Variants in HSD17B8 observed in about 807,000 individuals in gnomAD.
The protein encoded by HSD17B8 is (3R)-3-hydroxyacyl-CoA dehydrogenase.
Under a neutral mutation model 33.2 loss-of-function variants are expected in HSD17B8, and 23 were observed. The ratio of observed to expected loss-of-function variants is 0.69; its 90% confidence interval spans 0.50 to 0.98. The LOEUF (loss-of-function observed/expected upper bound fraction) is 0.98. Among genes scored for constraint, HSD17B8 ranks in the 50% least tolerant of loss-of-function variants. The pLI is 0.00. For synonymous variants in HSD17B8, 137 were observed against 138.6 expected, an observed-to-expected ratio of 0.99 and a Z score of 0.08; for missense variants, 345 against 347.5, an observed-to-expected ratio of 0.99 and a Z score of 0.06.
Position 33,205,832 on chromosome 6 carries a change from G to T in HSD17B8, c.571G>T (p.Gly191Trp), listed in dbSNP as rs1434152979. The change falls in exon 6 of 9, where the codon GGG becomes TGG. Residue 191 changes from glycine (G) to tryptophan (W), a missense_variant. Coordinates refer to ENST00000374662, the MANE Select transcript of HSD17B8 (RefSeq NM_014234.5). This position sits in a 1 kb window ranked among gnomAD's most constrained non-coding sequence, Gnocchi z 5.0. The part of the protein sequence containing the change: ...QTAARELGRH[G>W]IRCNSVLPGF... ...CAGCCACTCTCCTTCCCACAGACAT[G>T]GGATCCGCTGTAACTCTGTCCTCCC... 6.2e-7 allele frequency: 1 copy of T among 1,612,780 alleles called. No individual in the cohort carries two copies. The highest frequency in any genetic ancestry group is 1.3e-5 in the African/African-American group (1 of 74,878).
Position 33,206,542 on chromosome 6 carries a change from G to A in HSD17B8, c.769+93G>A. Reference sequence around the variant, plus strand: ...AGGGGAGTCTGGAGCCACTGGGAAGGGCAGAGGTTCCCAAGGCCAGGGACA... The same window carrying A: ...AGGGGAGTCTGGAGCCACTGGGAAGAGCAGAGGTTCCCAAGGCCAGGGACA... On this transcript the variant is annotated intron_variant, in intron 8 of 8. Coordinates refer to ENST00000374662, the MANE Select transcript of HSD17B8 (RefSeq NM_014234.5). The surrounding 1 kb of genome is among the most constrained non-coding windows in gnomAD (Gnocchi z 6.2). 1 of 1,558,560 alleles carries A rather than the reference G, an allele frequency of 6.4e-7. No individual in the cohort carries two copies. The highest frequency in any genetic ancestry group is 1.4e-5 in the African/African-American group (1 of 73,758).
In HSD17B8 at chr6:33,206,242, G is replaced by C; in HGVS notation, c.694+66G>C. ...GAATGAAGAGATCCCCAAAGTTTGGGGATTTTCTAGGGGACTGGTGGTTGG... is the reference window on the plus strand; with the variant it reads ...GAATGAAGAGATCCCCAAAGTTTGGCGATTTTCTAGGGGACTGGTGGTTGG... On this transcript the variant is annotated intron_variant, in intron 7 of 8. Transcript: ENST00000374662. The surrounding 1 kb of genome is among the most constrained non-coding windows in gnomAD (Gnocchi z 6.2). 2 of 1,578,696 alleles carry C rather than the reference G, an allele frequency of 1.3e-6. No homozygotes were observed. The highest frequency in any genetic ancestry group is 2.2e-5 in the South Asian group (2 of 90,174).
Position 33,205,701 on chromosome 6 carries a change from A to G in HSD17B8, c.542A>G (p.Gln181Arg). 6.2e-7 allele frequency: 1 copy of G among 1,613,118 alleles called. No homozygotes were observed. Among genetic ancestry groups the G allele is most frequent in the South Asian group, 1.1e-5 (1 of 91,084 alleles). Residue 181 changes from glutamine (Q) to arginine (R), a missense_variant, in exon 5 of 9, where the codon CAG (glutamine) becomes CGG (arginine). Coordinates refer to ENST00000374662, the MANE Select transcript of HSD17B8 (RefSeq NM_014234.5). This position sits in a 1 kb window ranked among gnomAD's most constrained non-coding sequence, Gnocchi z 5.0. ...AAGGCTGGAGTGATTGGGCTGACCCAGACCGCAGCCCGGGAGCTTGGACGG... is the reference window on the plus strand; with the variant it reads ...AAGGCTGGAGTGATTGGGCTGACCCGGACCGCAGCCCGGGAGCTTGGACGG... ...ASKAGVIGLT[Q>R]TAARELGRHG...
In HSD17B8 at chr6:33,205,604, C is replaced by T. The variant is rs1774977874; in HGVS notation, c.481-36C>T. ...TAGAGAGGAGAACCCCTCCTTGAGA[C>T]TCCTGACTCATTCCACATCTCTGAC... On this transcript the variant is annotated intron_variant, in intron 4 of 8. Transcript: ENST00000374662. This position sits in a 1 kb window ranked among gnomAD's most constrained non-coding sequence, Gnocchi z 5.0. 3 of 1,611,404 alleles carry T rather than the reference C, an allele frequency of 1.9e-6. No homozygotes were observed. The highest frequency in any genetic ancestry group is 2.5e-6 in the Non-Finnish European group (3 of 1,178,634).
rs773590006 is a variant in HSD17B8 at position 33,205,947 on chromosome 6, G to A, written c.651+35G>A. On this transcript the variant is annotated intron_variant, in intron 6 of 8. Transcript: ENST00000374662. The surrounding 1 kb of genome is among the most constrained non-coding windows in gnomAD (Gnocchi z 5.0). ...TGTGGGTGGAGGGCAGAATCATTCAGAGACTCAATCTCTCTGGGCTTCACA... is the reference window on the plus strand; with the variant it reads ...TGTGGGTGGAGGGCAGAATCATTCAAAGACTCAATCTCTCTGGGCTTCACA... 2.0e-6 allele frequency: 3 copies of A among 1,536,884 alleles called. No individual in the cohort carries two copies. Among genetic ancestry groups the A allele is most frequent in the Non-Finnish European group, 2.7e-6 (3 of 1,113,008 alleles).
At chr6:33,204,876 G>A in intron 1 of HSD17B8, 26 bp from the exon 2 acceptor site, 1 of 1,490,030 alleles carries the variant, frequency 6.7e-7, no homozygotes, top group Non-Finnish European at 9.0e-7. Context: ...CCCGTGCCCG[G>A]TCCGGCGTGT....
At position 33,205,272 on chromosome 6, in the gene HSD17B8, C is replaced by G. The variant is rs751543629; in HGVS notation, c.322C>G (p.Gln108Glu). The change falls in exon 3 of 9, where the codon CAG (glutamine) becomes GAG (glutamate). Residue 108 changes from glutamine to glutamate, a missense_variant. By Grantham distance (29) the Gln-to-Glu change is conservative. Coordinates refer to ENST00000374662, the MANE Select transcript of HSD17B8 (RefSeq NM_014234.5). The surrounding 1 kb of genome is among the most constrained non-coding windows in gnomAD (Gnocchi z 5.0). Reference sequence around the variant, plus strand: ...CGTTGTGTCCTGTGCGGGCATCACCCAGGATGAGTTTCTGCTGCACATGTC... The same window carrying G: ...CGTTGTGTCCTGTGCGGGCATCACCGAGGATGAGTTTCTGCTGCACATGTC... ...SVVVSCAGITQDEFLLHMSED... is the reference protein window; with the variant it reads ...SVVVSCAGITEDEFLLHMSED... 1.9e-6 allele frequency: 3 copies of G among 1,613,296 alleles called. No homozygotes were observed. Among genetic ancestry groups the G allele is most frequent in the Non-Finnish European group, 2.5e-6 (3 of 1,180,030 alleles).
Position 33,205,460 on chromosome 6 carries a change from TC to T in HSD17B8, c.402del (p.Thr135LeufsTer24), listed in dbSNP as rs776253757. ...IAVNLKGTFL[V>X]TQAAAQALVS... ...CTTTCCCGCCAGGGCACCTTCCTAG[TC>T]ACTCAGGCTGCAGCACAAGCCCTGG... On this transcript the variant is annotated frameshift_variant, in exon 4 of 9. Coordinates refer to ENST00000374662, the MANE Select transcript of HSD17B8 (RefSeq NM_014234.5). LOFTEE classifies it high-confidence loss of function. This position sits in a 1 kb window ranked among gnomAD's most constrained non-coding sequence, Gnocchi z 5.0. 13 of 1,613,158 alleles carry T rather than the reference TC, an allele frequency of 8.1e-6. No homozygotes were observed. The highest frequency in any genetic ancestry group is 5.9e-6 in the Non-Finnish European group (7 of 1,180,016).
rs759417817 is a variant in HSD17B8, at chr6:33,206,695, T to A, written c.*41T>A. 1.2e-6 allele frequency: 2 copies of A among 1,606,666 alleles called. No individual in the cohort carries two copies. The highest frequency in any genetic ancestry group is 1.7e-6 in the Non-Finnish European group (2 of 1,173,350). ...TGGACTCTGCTCACCCCCCCACCAC[T>A]CTGCCTGGCCTCCTGCTGATGAGGA... On this transcript the variant is annotated 3_prime_UTR_variant, in exon 9 of 9. Transcript: ENST00000374662. The surrounding 1 kb of genome is among the most constrained non-coding windows in gnomAD (Gnocchi z 6.2).
chr6:33,205,159 T>C lies in HSD17B8; in HGVS notation c.270+40T>C, dbSNP rs1736340383. ...ACTTTCCCCCTCTAAAGCTCTGATATTGCCTCCACTGCCCCGGCTTTTTGT... is the reference window on the plus strand; with the variant it reads ...ACTTTCCCCCTCTAAAGCTCTGATACTGCCTCCACTGCCCCGGCTTTTTGT... On this transcript the variant is annotated intron_variant, in intron 2 of 8. Transcript: ENST00000374662. The surrounding 1 kb of genome is among the most constrained non-coding windows in gnomAD (Gnocchi z 5.0). 4 of 1,602,750 alleles carry C rather than the reference T, an allele frequency of 2.5e-6. No homozygotes were observed. The highest frequency in any genetic ancestry group is 2.2e-5 in the South Asian group (2 of 89,850).
Position 33,205,894 on chromosome 6 carries a change from A to G in HSD17B8, c.633A>G (p.Pro211=). ...FIATPMTQKV[P]QKVVDKITEM... ...CAACACCCATGACACAGAAAGTGCC[A>G]CAGAAAGTGGTGGACAAGGTAGGAG... is the stretch of plus-strand genomic sequence containing the variant. The change falls in exon 6 of 9, where the codon CCA becomes CCG. Residue 211 remains proline (P), a synonymous_variant. Coordinates refer to ENST00000374662, the MANE Select transcript of HSD17B8 (RefSeq NM_014234.5). This position sits in a 1 kb window ranked among gnomAD's most constrained non-coding sequence, Gnocchi z 5.0. 6.2e-7 allele frequency: 1 copy of G among 1,612,922 alleles called. No individual in the cohort carries two copies. The highest frequency in any genetic ancestry group is 8.5e-7 in the Non-Finnish European group (1 of 1,179,902).
rs766344422 is a variant in HSD17B8, at chr6:33,204,976, C to T, written c.127C>T (p.Leu43=). Residue 43 remains leucine (L), a synonymous_variant, in exon 2 of 9, where the codon CTG becomes TTG. Transcript: ENST00000374662. ...GGGGGCCACCGTAGCTGCCTGCGACCTGGACCGGGCAGCGGCACAGGAGAC... is the reference window on the plus strand; with the variant it reads ...GGGGGCCACCGTAGCTGCCTGCGACTTGGACCGGGCAGCGGCACAGGAGAC... The part of the protein sequence containing the change: ...GEGATVAACD[L]DRAAAQETVR... 197 of 1,478,098 alleles carry T rather than the reference C, an allele frequency of 1.3e-4. No homozygotes were observed. Among genetic ancestry groups the T allele is most frequent in the Non-Finnish European group, 1.6e-4 (184 of 1,119,994 alleles). The allele number at this position is 1,478,098 out of a possible 1,614,324, so 91.6% of individuals were successfully genotyped here.
chr6:33,206,678 GC>G lies in HSD17B8; in HGVS notation c.*25del, dbSNP rs778113209. The G allele has an allele frequency of 1.1e-5, 17 of 1,612,658 alleles. No individual in the cohort carries two copies. The highest frequency in any genetic ancestry group is 1.4e-5 in the Non-Finnish European group (16 of 1,178,854). The stretch of plus-strand genomic sequence containing the variant: ...AACTGCCTCAAGGACCCTGGACTCT[GC>G]TCACCCCCCCACCACTCTGCCTGGC... On this transcript the variant is annotated 3_prime_UTR_variant, in exon 9 of 9. Coordinates refer to ENST00000374662, the MANE Select transcript of HSD17B8 (RefSeq NM_014234.5). This position sits in a 1 kb window ranked among gnomAD's most constrained non-coding sequence, Gnocchi z 6.2.
At position 33,205,873 on chromosome 6, in the gene HSD17B8, A is replaced by T. The variant is rs1249092652; in HGVS notation, c.612A>T (p.Thr204=). 1.9e-6 allele frequency: 3 copies of T among 1,612,990 alleles called. No homozygotes were observed. Among genetic ancestry groups the T allele is most frequent in the Non-Finnish European group, 2.5e-6 (3 of 1,179,994 alleles). ...CNSVLPGFIA[T]PMTQKVPQKV... is the part of the protein sequence containing the mutation. ...CTGTCCTCCCAGGGTTCATTGCAACACCCATGACACAGAAAGTGCCACAGA... is the reference window on the plus strand; with the variant it reads ...CTGTCCTCCCAGGGTTCATTGCAACTCCCATGACACAGAAAGTGCCACAGA... Residue 204 remains threonine, a synonymous_variant, in exon 6 of 9, where the codon ACA becomes ACT. Transcript: ENST00000374662. This position sits in a 1 kb window ranked among gnomAD's most constrained non-coding sequence, Gnocchi z 5.0.
Position 33,205,874 on chromosome 6 carries a change from C to T in HSD17B8, c.613C>T (p.Pro205Ser). The T allele has an allele frequency of 6.2e-7, 1 of 1,612,928 alleles. No homozygotes were observed. The highest frequency in any genetic ancestry group is 1.7e-4 in the Middle Eastern group (1 of 6,060). The change falls in exon 6 of 9, where the codon CCC becomes TCC. Residue 205 changes from proline to serine, a missense_variant. Coordinates refer to ENST00000374662, the MANE Select transcript of HSD17B8 (RefSeq NM_014234.5). The surrounding 1 kb of genome is among the most constrained non-coding windows in gnomAD (Gnocchi z 5.0). ...NSVLPGFIAT[P>S]MTQKVPQKVV... ...TGTCCTCCCAGGGTTCATTGCAACA[C>T]CCATGACACAGAAAGTGCCACAGAA...
intron 1 of HSD17B8, 65 bp from the exon 2 acceptor site, chr6:33,204,837 C>T (rs1774915064): frequency 4.6e-6 from 7 of 1,519,984 alleles, no homozygotes; most frequent in Middle Eastern, 1.7e-4. Flanking sequence ...ACTTTCTGCC[C>T]TGTGACCTCT....
At position 33,205,962 on chromosome 6, in the gene HSD17B8, TG is replaced by T. The variant is rs2150693788; in HGVS notation, c.651+53del. ...GAATCATTCAGAGACTCAATCTCTC[TG>T]GGCTTCACAGAGAGAGAGAGAGAGA... On this transcript the variant is annotated intron_variant, in intron 6 of 8. Coordinates refer to ENST00000374662, the MANE Select transcript of HSD17B8 (RefSeq NM_014234.5). This position sits in a 1 kb window ranked among gnomAD's most constrained non-coding sequence, Gnocchi z 5.0. The T allele has an allele frequency of 1.4e-6, 2 of 1,457,548 alleles. No individual in the cohort carries two copies. Among genetic ancestry groups the T allele is most frequent in the African/African-American group, 3.1e-5 (2 of 65,450 alleles). 90.3% of individuals were successfully genotyped at this position (1,457,548 alleles called of 1,614,324 possible). A position where few individuals can be genotyped will look rare whatever the true frequency, so the allele number is the denominator to read the frequency against.
chr6:33,205,007 GGCT>G lies in HSD17B8; in HGVS notation c.163_165del (p.Leu55del). The G allele has an allele frequency of 6.6e-7, 1 of 1,505,418 alleles. No homozygotes were observed. The highest frequency in any genetic ancestry group is 8.8e-7 in the Non-Finnish European group (1 of 1,133,026). 93.3% of individuals were successfully genotyped at this position (1,505,418 alleles called of 1,614,324 possible). ...CGGGCAGCGGCACAGGAGACGGTGC[GGCT>G]GCTGGGCGGGCCAGGGAGCAAGGAG... is the stretch of plus-strand genomic sequence containing the variant. On this transcript the variant is annotated inframe_deletion, in exon 2 of 9. Coordinates refer to ENST00000374662, the MANE Select transcript of HSD17B8 (RefSeq NM_014234.5). This position sits in a 1 kb window ranked among gnomAD's most constrained non-coding sequence, Gnocchi z 5.0.
At position 33,206,771 on chromosome 6, in the gene HSD17B8, C is replaced by A; in HGVS notation, c.*117C>A. On this transcript the variant is annotated 3_prime_UTR_variant, in exon 9 of 9. Coordinates refer to ENST00000374662, the MANE Select transcript of HSD17B8 (RefSeq NM_014234.5). The surrounding 1 kb of genome is among the most constrained non-coding windows in gnomAD (Gnocchi z 6.2). Reference sequence around the variant, plus strand: ...GGTGGCAGTGTATGGTTCAGGAATGCTGAATATGGGAAGCAGGGGTGCTTG... The same window carrying A: ...GGTGGCAGTGTATGGTTCAGGAATGATGAATATGGGAAGCAGGGGTGCTTG... 1.8e-6 allele frequency: 2 copies of A among 1,093,330 alleles called. No individual in the cohort carries two copies. The highest frequency in any genetic ancestry group is 2.8e-6 in the Non-Finnish European group (2 of 712,028). The allele number at this position is 1,093,330 out of a possible 1,614,324, so 67.7% of individuals were successfully genotyped here. A position where few individuals can be genotyped will look rare whatever the true frequency, so the allele number is the denominator to read the frequency against.
Sources: allele counts gnomAD v4.1 joint callset, GRCh38; gene constraint gnomAD v4.1.1; non-coding constraint Gnocchi (gnomAD v3.1); transcripts MANE v1.5; gene names NCBI Gene and HGNC (gene_info 2026-07-23, HGNC 2026-07-21).